U2SURP: variants seen among roughly 807,000 people sequenced by gnomAD.
U2SURP encodes the protein U2 snRNP-associated SURP motif-containing protein.
Under a neutral mutation model 144.9 loss-of-function variants are expected in U2SURP, and 9 were observed. The observed-to-expected ratio is 0.06, with a 90% CI of 0.04 to 0.11. The LOEUF (loss-of-function observed/expected upper bound fraction) is 0.11. U2SURP is among the 10% of genes least tolerant of loss of function. U2SURP has a pLI of 1.00. For synonymous variants in U2SURP, 408 were observed against 396.8 expected, an observed-to-expected ratio of 1.03 and a Z score of -0.33; for missense variants, 724 against 1,226.7, an observed-to-expected ratio of 0.59 and a Z score of 6.12.
chr3:143,045,652 T>C (rs1348479203), intron 24 of U2SURP, among the ~76,000 whole-genome samples: 9 of 152,220 alleles, frequency 5.9e-5, no homozygotes, highest in South Asian at 2.1e-4. Flanking sequence ...TGCACACATA[T>C]ATGCATACAT....
Position 143,012,237 on chromosome 3 carries a change from C to T in U2SURP, c.106C>T (p.Pro36Ser), listed in dbSNP as rs369933477. The T allele has an allele frequency of 6.2e-7, 1 of 1,612,586 alleles. No individual in the cohort carries two copies. Among genetic ancestry groups the T allele is most frequent in the African/African-American group, 1.3e-5 (1 of 74,876 alleles). Residue 36 changes from proline to serine, a missense_variant, in exon 3 of 28, where the codon CCC (proline) becomes TCC (serine). Coordinates refer to ENST00000473835, the MANE Select transcript of U2SURP (RefSeq NM_001080415.2). ...SSDAHMDASG[P>S]SDSDMPSRTR... ...TTTCCTGAAGATGGATGCATCTGGA[C>T]CCTCAGATAGTGATATGCCAAGTCG...
intron 5 of U2SURP, 135 bp downstream of exon 5, chr3:143,016,506 A>G (rs997566707): frequency 5.3e-6 from 4 of 760,562 alleles, no homozygotes; most frequent in East Asian, 2.7e-5. Context: ...TACATTTTCT[A>G]TCAGCACCCT....
Position 143,033,333 on chromosome 3 carries a change from T to A in U2SURP, c.1836T>A (p.Ala612=). ...ACTCTTCAGCCAAAGTTGCTAATGC[T>A]TCATATTATAGAAAATTGTAAGTAT... ...LYNSSAKVAN[A]SYYRKFFETK... Residue 612 remains alanine, a synonymous_variant, in exon 18 of 28, where the codon GCT becomes GCA. Transcript: ENST00000473835. 1 of 1,526,622 alleles carries A rather than the reference T, an allele frequency of 6.6e-7. No homozygotes were observed. The highest frequency in any genetic ancestry group is 8.9e-7 in the Non-Finnish European group (1 of 1,125,788). 94.6% of individuals were successfully genotyped at this position (1,526,622 alleles called of 1,614,324 possible). A position where few individuals can be genotyped will look rare whatever the true frequency, so the allele number is the denominator to read the frequency against.
At chr3:143,010,115 T>G (rs1454421358) in intron 1 of U2SURP, among the ~76,000 whole-genome samples, 1 of 152,244 alleles carries the variant, frequency 6.6e-6, no homozygotes, top group African/African-American at 2.4e-5. Context: ...CAGCTTGTCA[T>G]CTTTGTCTTT....
chr3:143,009,578 A>G (rs1461579982), intron 1 of U2SURP, among the ~76,000 whole-genome samples: 1 of 151,902 alleles, frequency 6.6e-6, no homozygotes, highest in Non-Finnish European at 1.5e-5. Context: ...AGCCTGGGAG[A>G]CAGAGTAAGA....
intron 24 of U2SURP, among the ~76,000 whole-genome samples, chr3:143,047,262 T>G (rs75089271): frequency 1.8e-4 from 7 of 38,880 alleles, no homozygotes; most frequent in Admixed American, 2.4e-4. Flanking sequence ...GCGGCCGGCC[T>G]GGCGGGGGGC....
intron 23 of U2SURP, among the ~76,000 whole-genome samples, chr3:143,039,540 G>A (rs1933986644): frequency 6.7e-6 from 1 of 150,224 alleles, no homozygotes; most frequent in Non-Finnish European, 1.5e-5. Flanking sequence ...CTGCAAGTCT[G>A]TATTGGCAGT....
chr3:143,048,285 A>G (rs1223552146), intron 24 of U2SURP, among the ~76,000 whole-genome samples: 3 of 152,196 alleles, frequency 2.0e-5, no homozygotes, highest in East Asian at 1.9e-4. Context: ...CAGGAACTAT[A>G]AGTAGGGATT....
rs539481878 is a variant in U2SURP, at chr3:143,025,623, A to G, written c.1275-1526A>G. ...AACCATATGAATGCTGAAGAACTGC[A>G]TATTTGCAGAGCAATTACTTCTGTG... On this transcript the variant is annotated intron_variant, in intron 13 of 27. Transcript: ENST00000473835. Among the ~76,000 whole-genome samples, 3 of 152,308 alleles carry G rather than the reference A, an allele frequency of 2.0e-5. No homozygotes were observed. The South Asian group carries it at 6.2e-4, about 32-fold the overall frequency.
chr3:143,024,139 CT>C, intron 13 of U2SURP, 121 bp downstream of exon 13: 1 of 871,098 alleles, frequency 1.1e-6, no homozygotes, highest in Non-Finnish European at 1.8e-6. Context: ...CTTCCCAGTA[CT>C]TTTTGCGGGG....
chr3:143,024,090 T>C (rs777765160), intron 13 of U2SURP, 72 bp downstream of exon 13: 4 of 1,410,450 alleles, frequency 2.8e-6, no homozygotes, highest in Non-Finnish European at 4.0e-6. Context: ...AAAGAAATGG[T>C]GTTGAGGAAA....
At position 143,041,071 on chromosome 3, in the gene U2SURP, A is replaced by T. The variant is rs1934077135; in HGVS notation, c.2385-2046A>T. On this transcript the variant is annotated intron_variant, in intron 23 of 27. Coordinates refer to ENST00000473835, the MANE Select transcript of U2SURP (RefSeq NM_001080415.2). Reference sequence around the variant, plus strand: ...CAAAGAATATTTGAAATTGCAAAAAAAAATTAGAAAAAATTTTACAGGCTA... The same window carrying T: ...CAAAGAATATTTGAAATTGCAAAAATAAATTAGAAAAAATTTTACAGGCTA... Among the ~76,000 whole-genome samples, 3 of 151,842 alleles carry T rather than the reference A, an allele frequency of 2.0e-5. No individual in the cohort carries two copies. The South Asian group carries it at 6.2e-4, about 31-fold the overall frequency.
chr3:143,042,615 T>C lies in U2SURP; in HGVS notation c.2385-502T>C, dbSNP rs540206289. Among the ~76,000 whole-genome samples, 4 of 152,196 alleles carry C rather than the reference T, an allele frequency of 2.6e-5. No individual in the cohort carries two copies. In the South Asian group the frequency reaches 8.3e-4, roughly 32 times the overall value. ...CCCTCACCCCCCTCCCATCCTTCCA[T>C]GTCCCAGAAGTCCATTGTATTATTC... is the stretch of plus-strand genomic sequence containing the variant. On this transcript the variant is annotated intron_variant, in intron 23 of 27. Coordinates refer to ENST00000473835, the MANE Select transcript of U2SURP (RefSeq NM_001080415.2).
intron 4 of U2SURP, among the ~76,000 whole-genome samples, chr3:143,015,889 A>T (rs1259573496): frequency 1.3e-5 from 2 of 152,104 alleles, no homozygotes; most frequent in African/African-American, 4.8e-5. Flanking sequence ...TGATTTGAAA[A>T]ATATTTATAT....
chr3:143,036,837 A>T (rs1468644019), intron 20 of U2SURP: 3 of 209,390 alleles, frequency 1.4e-5, no homozygotes, highest in Non-Finnish European at 9.5e-6. Context: ...CCATAGTTAC[A>T]GATAAGTATA....
rs1560211810 is a variant in U2SURP, at chr3:143,056,845, A to G, written c.*395A>G. ...AAATAAAATCTGAACAGAAAACTAT[A>G]ATGTTGTTTTTTTGCCCCACCGGTG... On this transcript the variant is annotated 3_prime_UTR_variant, in exon 28 of 28. Transcript: ENST00000473835. 5.6e-6 allele frequency: 1 copy of G among 179,116 alleles called. No homozygotes were observed. The highest frequency in any genetic ancestry group is 1.2e-4 in the South Asian group (1 of 8,110). The allele number at this position is 179,116 out of a possible 1,614,324, so 11.1% of individuals were successfully genotyped here. A position where few individuals can be genotyped will look rare whatever the true frequency, so the allele number is the denominator to read the frequency against.
intron 20 of U2SURP, 50 bp downstream of exon 20, chr3:143,036,154 G>A (rs1933798368): frequency 6.5e-7 from 1 of 1,534,844 alleles, no homozygotes; most frequent in Non-Finnish European, 8.7e-7. Flanking sequence ...TTTCTGGGGT[G>A]GAGGTTTCTT....
chr3:143,024,537 A>T (rs1167886909), intron 13 of U2SURP: 3 of 438,096 alleles, frequency 6.8e-6, no homozygotes, highest in South Asian at 5.0e-5. Flanking sequence ...CTTTCTTTTC[A>T]TGGTAACAAA....
intron 16 of U2SURP, among the ~76,000 whole-genome samples, chr3:143,031,291 C>T (rs1933467581): frequency 6.6e-6 from 1 of 152,172 alleles, no homozygotes; most frequent in Non-Finnish European, 1.5e-5. Context: ...AAGACATTCT[C>T]CTCTGGGTAA....
Sources: gnomAD v4.1 joint callset for allele counts (sites outside exome capture counted in the v4.1 genomes callset) on GRCh38, gnomAD v4.1.1 for gene constraint, MANE v1.5 for transcripts, NCBI Gene and HGNC (gene_info 2026-07-23, HGNC 2026-07-21) for gene names.